CAPN2: variants seen among roughly 807,000 people sequenced by gnomAD.
CAPN2 encodes the protein calpain 2.
CAPN2 carries 92 observed loss-of-function variants against 102.3 expected under a neutral mutation model. The ratio of observed to expected loss-of-function variants is 0.90; its 90% CI spans 0.76 to 1.07. The LOEUF (loss-of-function observed/expected upper bound fraction) is 1.07. Ranked by LOEUF, CAPN2 falls within the 50% of genes least tolerant of loss-of-function variation. The pLI is 0.00. For missense variants in CAPN2, 800 were observed against 909.4 expected (o/e 0.88, Z 1.55); for synonymous variants, 340 against 355.4 (o/e 0.96, Z 0.49).
In CAPN2 at chr1:223,735,969, G is replaced by A. The variant is rs535611398; in HGVS notation, c.308-8131G>A. Among the ~76,000 whole-genome samples, 29 of 152,162 alleles carry A rather than the reference G, an allele frequency of 1.9e-4. 1 individual carries two copies. The East Asian group carries it at 4.8e-3, about 25-fold the overall frequency. On this transcript the variant is annotated intron_variant, in intron 2 of 20. Coordinates refer to ENST00000295006, the MANE Select transcript of CAPN2 (RefSeq NM_001748.5). ...TAATTTTTGTATCTTTAGTAGTGAC[G>A]GGGTTTCACTATGTTGGCCAGGCTG...
intron 2 of CAPN2, among the ~76,000 whole-genome samples, chr1:223,738,761 T>A (rs1404791982): frequency 6.6e-6 from 1 of 152,186 alleles, no homozygotes. Flanking sequence ...CGTGGCTGAG[T>A]CCTTCCCAGA....
chr1:223,749,218 C>T (rs1660826506), intron 6 of CAPN2, 96 bp downstream of exon 6: 2 of 1,086,116 alleles, frequency 1.8e-6, no homozygotes, highest in South Asian at 1.4e-5. Flanking sequence ...CGCGGCCCCA[C>T]GGTGGTCCAG....
In CAPN2 at chr1:223,759,484, A is replaced by G. The variant is rs1661133211; in HGVS notation, c.1529+3A>G. 6.2e-7 allele frequency: 1 copy of G among 1,613,356 alleles called. No homozygotes were observed. Among genetic ancestry groups the G allele is most frequent in the Non-Finnish European group, 8.5e-7 (1 of 1,179,802 alleles). The stretch of plus-strand genomic sequence containing the variant: ...TCTGAAAAGAAAGCTGACTACCAGT[A>G]GGCGGTTTGGTCCCTTCCTCTCCCC... On this transcript the variant is annotated splice_donor_region_variant and intron_variant, in intron 12 of 20. Transcript: ENST00000295006. The surrounding 1 kb of genome is among the most constrained non-coding windows in gnomAD (Gnocchi z 4.6).
chr1:223,767,858 CCTGA>C (rs1661376569), intron 16 of CAPN2, among the ~76,000 whole-genome samples: 1 of 150,426 alleles, frequency 6.6e-6, no homozygotes, highest in African/African-American at 2.4e-5. Flanking sequence ...CCTGTTGTTT[CCTGA>C]CTTTTTAATG....
rs1400009557 is a variant in CAPN2 at position 223,774,747 on chromosome 1, G to A, written c.2080-87G>A. ...CCCTCAATCAGCTTTTCCAGTACAA[G>A]TTTTTTGGAACAATCTACAGGTACT... On this transcript the variant is annotated intron_variant, in intron 20 of 20. Coordinates refer to ENST00000295006, the MANE Select transcript of CAPN2 (RefSeq NM_001748.5). 4 of 1,235,176 alleles carry A rather than the reference G, an allele frequency of 3.2e-6. No individual in the cohort carries two copies. In the East Asian group the frequency reaches 7.0e-5, roughly 21 times the overall value. The allele number at this position is 1,235,176 out of a possible 1,614,324, so 76.5% of individuals were successfully genotyped here.
chr1:223,741,066 T>C (rs1189968204), intron 2 of CAPN2, among the ~76,000 whole-genome samples: 1 of 152,198 alleles, frequency 6.6e-6, no homozygotes, highest in Admixed American at 6.5e-5. Flanking sequence ...AACTGTTCTG[T>C]GACAAGGAAA....
At chr1:223,730,148 T>A (rs1300267538) in intron 2 of CAPN2, among the ~76,000 whole-genome samples, 1 of 149,450 alleles carries the variant, frequency 6.7e-6, no homozygotes, top group Admixed American at 6.8e-5. Flanking sequence ...TCAAAGGCAA[T>A]AGATGGCAAA....
Position 223,725,878 on chromosome 1 carries a change from C to T in CAPN2, c.307+8047C>T, listed in dbSNP as rs1200091437. Among the ~76,000 whole-genome samples the T allele has an allele frequency of 2.0e-5, 3 of 152,272 alleles. No homozygotes were observed. The highest frequency in any genetic ancestry group is 7.2e-5 in the African/African-American group (3 of 41,542). On this transcript the variant is annotated intron_variant, in intron 2 of 20. Coordinates refer to ENST00000295006, the MANE Select transcript of CAPN2 (RefSeq NM_001748.5). This position sits in a 1 kb window ranked among gnomAD's most constrained non-coding sequence, Gnocchi z 4.1. ...CCATAAGTTTCCACTCACCCATCTG[C>T]GAAATGGGAACAATGACGATGTTTG...
chr1:223,746,475 C>CTTTTTTTTTTTT (rs60366533), intron 4 of CAPN2, among the ~76,000 whole-genome samples: 4,088 of 108,200 alleles, frequency 0.038, 256 homozygotes, highest in Non-Finnish European at 0.049. Context: ...CTACGAGAAT[C>CTTTTTTTTTTTT]TTTTTTTTTT....
intron 2 of CAPN2, among the ~76,000 whole-genome samples, chr1:223,719,836 G>GCA (rs970725304): frequency 5.8e-4 from 88 of 152,042 alleles, no homozygotes; most frequent in African/African-American, 1.6e-3. Flanking sequence ...GTGTGTGCGC[G>GCA]CGCGCGCGTA....
Position 223,755,374 on chromosome 1 carries a change from T to C in CAPN2, c.1136-106T>C, listed in dbSNP as rs1452330233. The C allele has an allele frequency of 9.0e-7, 1 of 1,112,242 alleles. No individual in the cohort carries two copies. The highest frequency in any genetic ancestry group is 1.6e-5 in the African/African-American group (1 of 63,756). The allele number at this position is 1,112,242 out of a possible 1,614,324, so 68.9% of individuals were successfully genotyped here. A position where few individuals can be genotyped will look rare whatever the true frequency, so the allele number is the denominator to read the frequency against. ...TCCCACCACCTCCCACCATCTCCCT[T>C]TATCTCCATCCCTCTCAGAAGCCTC... On this transcript the variant is annotated intron_variant, in intron 9 of 20. Transcript: ENST00000295006. This position sits in a 1 kb window ranked among gnomAD's most constrained non-coding sequence, Gnocchi z 4.1.
Position 223,772,374 on chromosome 1 carries a change from C to T in CAPN2, c.2079+135C>T, listed in dbSNP as rs16842173. 6.8e-3 allele frequency: 4,514 copies of T among 663,396 alleles called. 138 individuals carry two copies. The African/African-American group carries it at 0.072, about 11-fold the overall frequency. The allele number at this position is 663,396 out of a possible 1,614,324, so 41.1% of individuals were successfully genotyped here. On this transcript the variant is annotated intron_variant, in intron 20 of 20. Transcript: ENST00000295006. ...GGTCTGTCGGGGCCAGGCCTGTAAC[C>T]GGTTGTAAGATCCCACAATGCACTT...
chr1:223,748,959 G>C, intron 5 of CAPN2, 80 bp from the exon 6 acceptor site: 1 of 1,338,454 alleles, frequency 7.5e-7, no homozygotes, highest in Admixed American at 1.8e-5. Context: ...GTCCCGCCCG[G>C]CAGTAGGACA....
At chr1:223,719,925 G>A (rs1215690200) in intron 2 of CAPN2, among the ~76,000 whole-genome samples, 1 of 152,120 alleles carries the variant, frequency 6.6e-6, no homozygotes, top group African/African-American at 2.4e-5. Context: ...GTGAAATGTG[G>A]TATACTGTAC....
intron 5 of CAPN2, among the ~76,000 whole-genome samples, chr1:223,748,645 A>G (rs1660808757): frequency 6.6e-6 from 1 of 151,826 alleles, no homozygotes; most frequent in Admixed American, 6.5e-5. Context: ...GCCCTGCGCC[A>G]TCGAGGACCC....
chr1:223,736,565 C>A (rs1366789434), intron 2 of CAPN2, among the ~76,000 whole-genome samples: 1 of 152,214 alleles, frequency 6.6e-6, no homozygotes, highest in Non-Finnish European at 1.5e-5. Context: ...CCTGGACCAT[C>A]TGCCCTGGGT....
chr1:223,723,067 A>T (rs979783067), intron 2 of CAPN2, among the ~76,000 whole-genome samples: 1 of 152,230 alleles, frequency 6.6e-6, no homozygotes, highest in Non-Finnish European at 1.5e-5. Flanking sequence ...TCACACCTGT[A>T]ATCCCAGCAC....
rs1490660834 is a variant in CAPN2 at position 223,727,642 on chromosome 1, T to G, written c.307+9811T>G. Reference sequence around the variant, plus strand: ...TTGCTGAAGACAAACTAAATATTCTTTCCAGCATTGCTTCAATCTAATCCA... The same window carrying G: ...TTGCTGAAGACAAACTAAATATTCTGTCCAGCATTGCTTCAATCTAATCCA... On this transcript the variant is annotated intron_variant, in intron 2 of 20. Transcript: ENST00000295006. The surrounding 1 kb of genome is among the most constrained non-coding windows in gnomAD (Gnocchi z 4.1). Among the ~76,000 whole-genome samples the G allele has an allele frequency of 6.6e-6, 1 of 152,182 alleles. No homozygotes were observed. Among genetic ancestry groups the G allele is most frequent in the African/African-American group, 2.4e-5 (1 of 41,438 alleles).
upstream of CAPN2, among the ~76,000 whole-genome samples, chr1:223,711,091 C>A (rs946787017): frequency 6.6e-6 from 1 of 152,182 alleles, no homozygotes; most frequent in African/African-American, 2.4e-5. Context: ...TCAGCGGCAT[C>A]CCTGGCTTCT....
Sources: gnomAD v4.1 joint callset for allele counts (sites outside exome capture counted in the v4.1 genomes callset) on GRCh38, gnomAD v4.1.1 for gene constraint, Gnocchi (gnomAD v3.1) non-coding constraint, MANE v1.5 for transcripts, NCBI Gene and HGNC (gene_info 2026-07-23, HGNC 2026-07-21) for gene names.